The following ZBTB39 variants were observed in gnomAD, a reference collection of about 807,000 sequenced individuals.
ZBTB39 encodes the protein zinc finger and BTB domain-containing protein 39.
In ZBTB39, 25 loss-of-function variants were observed where a neutral mutation model predicts 39.4. The ratio of observed to expected loss-of-function variants is 0.63; its 90% CI spans 0.46 to 0.89. The LOEUF (loss-of-function observed/expected upper bound fraction) is 0.89, where lower values mean the gene tolerates loss of function less well. Ranked by LOEUF, ZBTB39 falls within the 40% of genes least tolerant of loss-of-function variation. ZBTB39 has a pLI of 0.00. For synonymous variants in ZBTB39, 373 were observed against 359.6 expected, an observed-to-expected ratio of 1.04 and a Z score of -0.42; for missense variants, 891 against 909.7, an observed-to-expected ratio of 0.98 and a Z score of 0.26.
At position 57,004,504 on chromosome 12, in the gene ZBTB39, A is replaced by G. The variant is rs1237473810; in HGVS notation, c.414T>C (p.Ser138=). 2 of 1,614,158 alleles carry G rather than the reference A, an allele frequency of 1.2e-6. No individual in the cohort carries two copies. The highest frequency in any genetic ancestry group is 3.3e-5 in the Admixed American group (2 of 60,028). The change falls in exon 2 of 2, where the codon AGT becomes AGC. Residue 138 remains serine, a synonymous_variant. Coordinates refer to ENST00000300101, the MANE Select transcript of ZBTB39 (RefSeq NM_014830.3). ...AACTCAGGGTACCAGAGTGGCTCTC[A>G]CTGGTGCTGGTCAGGGGCTTGGCCC... ...TARAKPLTST[S]ESHSGTLSCP...
Position 57,002,791 on chromosome 12 carries a change from G to A in ZBTB39, c.2127C>T (p.Asn709=), listed in dbSNP as rs1397278461. 4 of 1,613,740 alleles carry A rather than the reference G, an allele frequency of 2.5e-6. No individual in the cohort carries two copies. Among genetic ancestry groups the A allele is most frequent in the African/African-American group, 1.3e-5 (1 of 75,044 alleles). The change falls in exon 2 of 2, where the codon AAC becomes AAT. Residue 709 remains asparagine (N), a synonymous_variant. Transcript: ENST00000300101. ...YIIHSKEADK[N]PDS The stretch of plus-strand genomic sequence containing the variant: ...TGCCGGGACCCAGTCAACTGTCCGG[G>A]TTCTTATCCGCCTCTTTGGAATGGA...
intron 1 of ZBTB39, among the ~76,000 whole-genome samples, chr12:57,006,138 T>C (rs928433068): frequency 6.6e-6 from 1 of 151,912 alleles, no homozygotes; most frequent in Non-Finnish European, 1.5e-5. Flanking sequence ...GGGCGCTGCA[T>C]CGGCTGGGGC....
rs543236143 is a variant in ZBTB39 at position 57,004,196 on chromosome 12, G to A, written c.722C>T (p.Thr241Met). 101 of 1,614,058 alleles carry A rather than the reference G, an allele frequency of 6.3e-5. No individual in the cohort carries two copies. The highest frequency in any genetic ancestry group is 1.0e-4 in the Admixed American group (6 of 60,010). Residue 241 changes from threonine to methionine, a missense_variant, in exon 2 of 2, where the codon ACG becomes ATG. Transcript: ENST00000300101. ...AACTTTGTATGGCTGGCAGGAGCTC[G>A]TGCTGGTCTGGATGCCCGTGCTGAC... is the stretch of plus-strand genomic sequence containing the variant. ...GTVSTGIQTSTSSCQPYKVQS... is the reference protein window; with the variant it reads ...GTVSTGIQTSMSSCQPYKVQS...
rs779464915 is a variant in ZBTB39, at chr12:57,002,772, G to A, written c.*7C>T. On this transcript the variant is annotated 3_prime_UTR_variant, in exon 2 of 2. Coordinates refer to ENST00000300101, the MANE Select transcript of ZBTB39 (RefSeq NM_014830.3). ...TGGGAGCTCCCCGTGGCTCTGCCGG[G>A]ACCCAGTCAACTGTCCGGGTTCTTA... 3 of 1,609,028 alleles carry A rather than the reference G, an allele frequency of 1.9e-6. No individual in the cohort carries two copies. Among genetic ancestry groups the A allele is most frequent in the South Asian group, 2.2e-5 (2 of 90,778 alleles).
chr12:57,004,253 G>C lies in ZBTB39; in HGVS notation c.665C>G (p.Pro222Arg). 6.2e-7 allele frequency: 1 copy of C among 1,614,222 alleles called. No homozygotes were observed. The highest frequency in any genetic ancestry group is 8.5e-7 in the Non-Finnish European group (1 of 1,180,040). ...HDTPAPFTSI[P>R]SMMTQPLLGT... ...TAGGAGTGGCTGGGTCATCATGCTAGGAATGGACGTGAAGGGAGCAGGGGT... is the reference window on the plus strand; with the variant it reads ...TAGGAGTGGCTGGGTCATCATGCTACGAATGGACGTGAAGGGAGCAGGGGT... Residue 222 changes from proline to arginine, a missense_variant, in exon 2 of 2, where the codon CCT (proline) becomes CGT (arginine). Transcript: ENST00000300101.
In ZBTB39 at chr12:57,004,674, T is replaced by C; in HGVS notation, c.244A>G (p.Lys82Glu). Residue 82 changes from lysine (K) to glutamate (E), a missense_variant, in exon 2 of 2, where the codon AAG becomes GAG. Lys to Glu is a moderately conservative substitution (Grantham distance 56). Coordinates refer to ENST00000300101, the MANE Select transcript of ZBTB39 (RefSeq NM_014830.3). ...VDFITPANFE[K>E]VLSFVYTSEL... ...GAAGTGTAGACAAAGCTCAGAACCT[T>C]CTCAAAGTTGGCAGGGGTGATGAAG... 1 of 1,614,170 alleles carries C rather than the reference T, an allele frequency of 6.2e-7. No homozygotes were observed. Among genetic ancestry groups the C allele is most frequent in the Non-Finnish European group, 8.5e-7 (1 of 1,180,020 alleles).
chr12:57,004,223 G>A lies in ZBTB39; in HGVS notation c.695C>T (p.Thr232Ile), dbSNP rs201642604. 7 of 1,614,226 alleles carry A rather than the reference G, an allele frequency of 4.3e-6. No individual in the cohort carries two copies. In the East Asian group the frequency reaches 8.9e-5, roughly 21 times the overall value. ...GCTGGTCTGGATGCCCGTGCTGACA[G>A]TGCCTAGGAGTGGCTGGGTCATCAT... ...PSMMTQPLLG[T>I]VSTGIQTSTS... is the part of the protein sequence containing the mutation. Residue 232 changes from threonine (T) to isoleucine (I), a missense_variant, in exon 2 of 2, where the codon ACT becomes ATT. Coordinates refer to ENST00000300101, the MANE Select transcript of ZBTB39 (RefSeq NM_014830.3).
intron 1 of ZBTB39, among the ~76,000 whole-genome samples, chr12:57,006,006 G>A (rs915719312): frequency 3.3e-5 from 5 of 152,210 alleles, no homozygotes; most frequent in African/African-American, 1.2e-4. Flanking sequence ...AACGATGGGC[G>A]GGTCGGAGCA....
At position 57,003,164 on chromosome 12, in the gene ZBTB39, G is replaced by A; in HGVS notation, c.1754C>T (p.Pro585Leu). 1 of 1,614,122 alleles carries A rather than the reference G, an allele frequency of 6.2e-7. No homozygotes were observed. Among genetic ancestry groups the A allele is most frequent in the Non-Finnish European group, 8.5e-7 (1 of 1,180,016 alleles). ...CTCTTCACCCAGAAACTCCTCTGCT[G>A]GCAGCTTCCGCTTCTGGAGAGCTGG... ...QHPALQKRKL[P>L]AEEFLGEELA... is the part of the protein sequence containing the mutation. Residue 585 changes from proline (P) to leucine (L), a missense_variant, in exon 2 of 2, where the codon CCA becomes CTA. Pro to Leu is a moderately conservative substitution (Grantham distance 98). Transcript: ENST00000300101. The surrounding 1 kb of genome is among the most constrained non-coding windows in gnomAD (Gnocchi z 4.8).
chr12:57,003,288 T>C lies in ZBTB39; in HGVS notation c.1630A>G (p.Ser544Gly), dbSNP rs1255408462. 1 of 1,614,174 alleles carries C rather than the reference T, an allele frequency of 6.2e-7. No individual in the cohort carries two copies. Among genetic ancestry groups the C allele is most frequent in the Non-Finnish European group, 8.5e-7 (1 of 1,180,000 alleles). ...EDALFHCRLC[S>G]QSFKSEAAYR... Reference sequence around the variant, plus strand: ...GCAGCCTCTGACTTGAAGCTCTGGCTGCACAAGCGGCAGTGGAAGAGGGCG... The same window carrying C: ...GCAGCCTCTGACTTGAAGCTCTGGCCGCACAAGCGGCAGTGGAAGAGGGCG... The change falls in exon 2 of 2, where the codon AGC becomes GGC. Residue 544 changes from serine (S) to glycine (G), a missense_variant. Transcript: ENST00000300101. This position sits in a 1 kb window ranked among gnomAD's most constrained non-coding sequence, Gnocchi z 4.8.
In ZBTB39 at chr12:57,002,636, T is replaced by C; in HGVS notation, c.*143A>G. On this transcript the variant is annotated 3_prime_UTR_variant, in exon 2 of 2. Coordinates refer to ENST00000300101, the MANE Select transcript of ZBTB39 (RefSeq NM_014830.3). ...GTAACAGCTTATGTGCTATTTCTTC[T>C]TCTTTTCTTCTTTAAACACAACACA... is the stretch of plus-strand genomic sequence containing the variant. 1 of 775,760 alleles carries C rather than the reference T, an allele frequency of 1.3e-6. No homozygotes were observed. Among genetic ancestry groups the C allele is most frequent in the Non-Finnish European group, 2.0e-6 (1 of 489,092 alleles). 48.1% of individuals were successfully genotyped at this position (775,760 alleles called of 1,614,324 possible).
At position 57,005,748 on chromosome 12, in the gene ZBTB39, A is replaced by C. The variant is rs574053934; in HGVS notation, c.-45+657T>G. ...AGATTTACTTGATGCCGCAAGAAAGACTTCTAATTATACAGGTAAGACTCC... is the reference window on the plus strand; with the variant it reads ...AGATTTACTTGATGCCGCAAGAAAGCCTTCTAATTATACAGGTAAGACTCC... On this transcript the variant is annotated intron_variant, in intron 1 of 1. Transcript: ENST00000300101. 2.7e-4 allele frequency among the ~76,000 whole-genome samples: 41 copies of C among 152,308 alleles called. 2 individuals are homozygous for C. The South Asian group carries it at 3.5e-3, about 13-fold the overall frequency.
In ZBTB39 at chr12:57,004,873, G is replaced by A. The variant is rs1238609531; in HGVS notation, c.45C>T (p.Asn15=). The A allele has an allele frequency of 6.2e-7, 1 of 1,611,194 alleles. No homozygotes were observed. Among genetic ancestry groups the A allele is most frequent in the Non-Finnish European group, 8.5e-7 (1 of 1,177,980 alleles). The stretch of plus-strand genomic sequence containing the variant: ...GGCACTTGTTGAGTTCCTTCAGCAG[G>A]TTGTTGGGGTGGTTGGTGCTTTGCA... ...IKLQSTNHPN[N]LLKELNKCRL... Residue 15 remains asparagine, a synonymous_variant, in exon 2 of 2, where the codon AAC becomes AAT. Transcript: ENST00000300101.
rs1409479163 is a variant in ZBTB39, at chr12:57,001,984, C to T, written c.*795G>A. On this transcript the variant is annotated 3_prime_UTR_variant, in exon 2 of 2. Transcript: ENST00000300101. ...CAAAGTGGTTCCCTATCCTCTCTGC[C>T]CCACAGAAGGCCGGACGTCCCGGGC... is the stretch of plus-strand genomic sequence containing the variant. The T allele has an allele frequency of 1.3e-5, 2 of 152,622 alleles. No homozygotes were observed. Among genetic ancestry groups the T allele is most frequent in the Non-Finnish European group, 2.9e-5 (2 of 68,050 alleles). 9.5% of individuals were successfully genotyped at this position (152,622 alleles called of 1,614,324 possible). A position where few individuals can be genotyped will look rare whatever the true frequency, so the allele number is the denominator to read the frequency against.
chr12:57,004,560 A>G lies in ZBTB39; in HGVS notation c.358T>C (p.Ser120Pro). ...GMEDLLQACH[S>P]TFPDLESTAR... ...GTGCTCTCCAGATCAGGAAAGGTAG[A>G]GTGACAGGCCTGGAGGAGGTCCTCC... is the stretch of plus-strand genomic sequence containing the variant. Residue 120 changes from serine to proline, a missense_variant, in exon 2 of 2, where the codon TCT (serine) becomes CCT (proline). Transcript: ENST00000300101. The G allele has an allele frequency of 6.2e-7, 1 of 1,614,192 alleles. No homozygotes were observed. The highest frequency in any genetic ancestry group is 1.1e-5 in the South Asian group (1 of 91,080).
rs1300044941 is a variant in ZBTB39 at position 57,002,726 on chromosome 12, A to C, written c.*53T>G. Reference sequence around the variant, plus strand: ...GGGGAGGGACCAACACCTCTTAGATATCAGCATCCTGGCTGCTGCTTGGGA... The same window carrying C: ...GGGGAGGGACCAACACCTCTTAGATCTCAGCATCCTGGCTGCTGCTTGGGA... On this transcript the variant is annotated 3_prime_UTR_variant, in exon 2 of 2. Coordinates refer to ENST00000300101, the MANE Select transcript of ZBTB39 (RefSeq NM_014830.3). 1.3e-6 allele frequency: 2 copies of C among 1,545,586 alleles called. No individual in the cohort carries two copies. The highest frequency in any genetic ancestry group is 1.8e-6 in the Non-Finnish European group (2 of 1,130,844).
rs756582626 is a variant in ZBTB39, at chr12:57,004,521, G to A, written c.397C>T (p.Pro133Ser). 1.9e-6 allele frequency: 3 copies of A among 1,614,178 alleles called. No homozygotes were observed. Among genetic ancestry groups the A allele is most frequent in the Non-Finnish European group, 2.5e-6 (3 of 1,180,038 alleles). The part of the protein sequence containing the change: ...PDLESTARAK[P>S]LTSTSESHSG... ...TGGCTCTCACTGGTGCTGGTCAGGG[G>A]CTTGGCCCTGGCAGTGCTCTCCAGA... Residue 133 changes from proline to serine, a missense_variant, in exon 2 of 2, where the codon CCC becomes TCC. Transcript: ENST00000300101.
Position 57,004,971 on chromosome 12 carries a change from G to T in ZBTB39, c.-44-10C>A. On this transcript the variant is annotated splice_polypyrimidine_tract_variant and intron_variant, in intron 1 of 1. Transcript: ENST00000300101. ...TATCAGCACAGTTAATCTGTGGATAGCAAGAGAAAAAGATGGATGGCCAAA... is the reference window on the plus strand; with the variant it reads ...TATCAGCACAGTTAATCTGTGGATATCAAGAGAAAAAGATGGATGGCCAAA... The T allele has an allele frequency of 6.6e-7, 1 of 1,510,772 alleles. No individual in the cohort carries two copies. The highest frequency in any genetic ancestry group is 2.3e-5 in the East Asian group (1 of 43,938). The allele number at this position is 1,510,772 out of a possible 1,614,324, so 93.6% of individuals were successfully genotyped here.
chr12:57,006,422 C>G lies in ZBTB39; in HGVS notation c.-62G>C, dbSNP rs1187465914. The G allele has an allele frequency of 5.3e-5, 8 of 150,344 alleles. No homozygotes were observed. Among genetic ancestry groups the G allele is most frequent in the Non-Finnish European group, 7.5e-5 (5 of 67,008 alleles). 9.3% of individuals were successfully genotyped at this position (150,344 alleles called of 1,614,324 possible). A position where few individuals can be genotyped will look rare whatever the true frequency, so the allele number is the denominator to read the frequency against. ...GCGCTTACCCGGCTCTGCGGCGCCC[C>G]GAGCACCATCGCCGCCGCCGCTTCA... On this transcript the variant is annotated 5_prime_UTR_variant, in exon 1 of 2. Transcript: ENST00000300101.
Sources: gnomAD v4.1 joint callset for allele counts (sites outside exome capture counted in the v4.1 genomes callset) on GRCh38, gnomAD v4.1.1 for gene constraint, Gnocchi (gnomAD v3.1) non-coding constraint, MANE v1.5 for transcripts, NCBI Gene and HGNC (gene_info 2026-07-23, HGNC 2026-07-21) for gene names.